The following NRXN3 variants were observed in gnomAD, a reference collection of about 807,000 sequenced individuals.
NRXN3 encodes the protein neurexin III.
NRXN3 carries 32 observed loss-of-function variants against 137.6 expected under a neutral mutation model. The observed-to-expected ratio is 0.23, with a 90% CI of 0.18 to 0.31. The LOEUF is 0.31. Ranked by LOEUF, NRXN3 falls within the 10% of genes least tolerant of loss-of-function variation. The probability of loss-of-function intolerance (pLI) is 1.00; values close to 1 mark genes in which losing one functional copy is unlikely to be tolerated. For synonymous variants in NRXN3, 798 were observed against 784.5 expected (o/e 1.02, Z -0.29); for missense variants, 1,574 against 2,062.5 (o/e 0.76, Z 4.59).
chr14:79,465,050 G>T (rs1194537250), intron 15 of NRXN3, among the ~76,000 whole-genome samples: 1 of 152,154 alleles, frequency 6.6e-6, no homozygotes, highest in Non-Finnish European at 1.5e-5. Context: ...AAAAGTAAAA[G>T]ATTTTTATAA....
chr14:79,186,620 G>A (rs1375824772), intron 15 of NRXN3, among the ~76,000 whole-genome samples: 1 of 152,126 alleles, frequency 6.6e-6, no homozygotes, highest in Non-Finnish European at 1.5e-5. Context: ...TTTTGGTGAG[G>A]AGTAACAGAT....
intron 4 of NRXN3, among the ~76,000 whole-genome samples, chr14:78,538,707 T>C (rs1436656455): frequency 2.6e-5 from 4 of 152,212 alleles, no homozygotes; most frequent in Non-Finnish European, 5.9e-5. Context: ...TCAAAGGGAA[T>C]GCTTCCAGTT....
chr14:79,413,883 C>CAAAAAAAAAAAAAA (rs372803175), intron 15 of NRXN3, among the ~76,000 whole-genome samples: 1 of 76,324 alleles, frequency 1.3e-5, no homozygotes, highest in African/African-American at 5.6e-5. Context: ...ATGTGGTTCT[C>CAAAAAAAAAAAAAA]AAAAAAAAAA....
intron 10 of NRXN3, among the ~76,000 whole-genome samples, chr14:78,816,308 G>T (rs1427033442): frequency 6.6e-6 from 1 of 151,950 alleles, no homozygotes; most frequent in African/African-American, 2.4e-5. Context: ...AATTTATTAG[G>T]GATTTTTGTA....
At chr14:78,872,173 A>T (rs1400127663) in intron 10 of NRXN3, among the ~76,000 whole-genome samples, 1 of 150,660 alleles carries the variant, frequency 6.6e-6, no homozygotes, top group East Asian at 1.9e-4. Flanking sequence ...GTTTTATTTT[A>T]TAAATATCCT....
At chr14:78,761,837 C>G (rs1328640836) in intron 8 of NRXN3, among the ~76,000 whole-genome samples, 2 of 152,092 alleles carry the variant, frequency 1.3e-5, no homozygotes, top group African/African-American at 4.8e-5. Flanking sequence ...ACTTTTTGGA[C>G]AGCATTTGAT....
intron 10 of NRXN3, among the ~76,000 whole-genome samples, chr14:78,816,082 A>G (rs1045522603): frequency 2.0e-5 from 3 of 152,200 alleles, no homozygotes; most frequent in Non-Finnish European, 4.4e-5. Flanking sequence ...GAACACTTCA[A>G]GTGTAACAAT....
At chr14:79,810,120 G>A (rs1245341475) in intron 20 of NRXN3, among the ~76,000 whole-genome samples, 3 of 152,040 alleles carry the variant, frequency 2.0e-5, no homozygotes, top group Non-Finnish European at 2.9e-5. Context: ...AATTAGATAT[G>A]ATCAACTTCC....
chr14:79,754,817 G>A (rs1434457456), intron 19 of NRXN3, among the ~76,000 whole-genome samples: 2 of 151,748 alleles, frequency 1.3e-5, no homozygotes, highest in Non-Finnish European at 2.9e-5. Flanking sequence ...AACGGTTTCC[G>A]CATGCTGTTC....
At chr14:79,798,738 A>G (rs1005553839) in intron 19 of NRXN3, among the ~76,000 whole-genome samples, 1 of 152,226 alleles carries the variant, frequency 6.6e-6, no homozygotes, top group Non-Finnish European at 1.5e-5. Flanking sequence ...AAGTTACAAA[A>G]GGCAGTTGGG....
chr14:78,541,495 G>A (rs1029048441), intron 4 of NRXN3, among the ~76,000 whole-genome samples: 5 of 152,102 alleles, frequency 3.3e-5, no homozygotes, highest in African/African-American at 1.2e-4. Context: ...CTCACTGTTT[G>A]TTCTAGTTAG....
At chr14:78,326,142 G>A (rs145340437) in intron 4 of NRXN3, among the ~76,000 whole-genome samples, 186 of 152,278 alleles carry the variant, frequency 1.2e-3, no homozygotes, top group African/African-American at 4.3e-3. Context: ...GCTCAGGGGA[G>A]CCATCCCTAG....
At chr14:78,399,944 C>T (rs2153653214) in intron 4 of NRXN3, among the ~76,000 whole-genome samples, 1 of 152,290 alleles carries the variant, frequency 6.6e-6, no homozygotes, top group East Asian at 1.9e-4. Flanking sequence ...AGCTATGTAA[C>T]TAGGGGAAAT....
At chr14:79,021,001 A>G (rs948626826) in intron 15 of NRXN3, among the ~76,000 whole-genome samples, 1 of 152,062 alleles carries the variant, frequency 6.6e-6, no homozygotes, top group Non-Finnish European at 1.5e-5. Context: ...TGTGATCTTT[A>G]CACAGTACTA....
intron 4 of NRXN3, among the ~76,000 whole-genome samples, chr14:78,490,916 GACCGGTATTTTGTC>G (rs1166887067): frequency 6.6e-6 from 1 of 152,046 alleles, no homozygotes; most frequent in African/African-American, 2.4e-5. Flanking sequence ...AATATTTGAT[GACCGGTATTTTGTC>G]CTCTTTGAGT....
chr14:78,175,902 C>T (rs924609024), intron 1 of NRXN3, among the ~76,000 whole-genome samples: 6 of 152,162 alleles, frequency 3.9e-5, no homozygotes, highest in Non-Finnish European at 7.3e-5. Context: ...TTATATTATA[C>T]GATGATATAT....
chr14:79,562,338 A>G (rs1250326341), intron 16 of NRXN3, among the ~76,000 whole-genome samples: 2 of 152,180 alleles, frequency 1.3e-5, no homozygotes, highest in Non-Finnish European at 2.9e-5. Flanking sequence ...AAATGCATGA[A>G]TAGTGTCTTC....
intron 15 of NRXN3, among the ~76,000 whole-genome samples, chr14:79,458,500 T>C (rs2096285130): frequency 6.6e-6 from 1 of 152,162 alleles, no homozygotes; most frequent in Non-Finnish European, 1.5e-5. Context: ...TATGTAAGCA[T>C]AGGTAAGCCA....
At chr14:78,185,136 G>A (rs985020524) in intron 1 of NRXN3, among the ~76,000 whole-genome samples, 14 of 152,214 alleles carry the variant, frequency 9.2e-5, no homozygotes, top group African/African-American at 3.4e-4. Flanking sequence ...ATTGCATTTA[G>A]TGCTAGGAAT....
Sources: allele counts gnomAD v4.1 joint callset (sites outside exome capture counted in the v4.1 genomes callset), GRCh38; gene constraint gnomAD v4.1.1; transcripts MANE v1.5; gene names NCBI Gene and HGNC (gene_info 2026-07-23, HGNC 2026-07-21).